MED27: variants seen among roughly 807,000 people sequenced by gnomAD.
MED27 encodes the protein mediator of RNA polymerase II transcription subunit 27.
Under a neutral mutation model 38.2 loss-of-function variants are expected in MED27, and 30 were observed. That is an observed-to-expected ratio of 0.79 (90% CI 0.59 to 1.07). The LOEUF is 1.07. Ranked by LOEUF, MED27 falls within the 50% of genes least tolerant of loss-of-function variation. The pLI is 0.00. For missense variants in MED27, 289 were observed against 397.5 expected, an observed-to-expected ratio of 0.73 and a Z score of 2.32; for synonymous variants, 122 against 153.5, an observed-to-expected ratio of 0.79 and a Z score of 1.52.
intron 4 of MED27, among the ~76,000 whole-genome samples, chr9:131,907,682 G>A (rs375434796): frequency 1.2e-4 from 18 of 147,828 alleles, no homozygotes; most frequent in Admixed American, 4.7e-4. Context: ...GCCGCCCATC[G>A]TCTGGGATGT....
At chr9:131,911,242 G>C (rs921479372) in intron 4 of MED27, among the ~76,000 whole-genome samples, 1 of 152,190 alleles carries the variant, frequency 6.6e-6, no homozygotes, top group Non-Finnish European at 1.5e-5. Context: ...GCAGGAGGAG[G>C]AGACTAAATG....
intron 4 of MED27, among the ~76,000 whole-genome samples, chr9:131,932,467 A>G (rs1830609212): frequency 2.6e-5 from 4 of 152,126 alleles, no homozygotes; most frequent in Admixed American, 1.3e-4. Flanking sequence ...TAAAAGGATC[A>G]TTAGTGGCTA....
At chr9:132,000,475 C>A (rs1832202311) in intron 3 of MED27, among the ~76,000 whole-genome samples, 1 of 152,146 alleles carries the variant, frequency 6.6e-6, no homozygotes, top group South Asian at 2.1e-4. Flanking sequence ...CACACACCTA[C>A]CATATGACCT....
At chr9:132,016,069 A>G (rs1832595875) in intron 2 of MED27, among the ~76,000 whole-genome samples, 1 of 152,240 alleles carries the variant, frequency 6.6e-6, no homozygotes, top group Non-Finnish European at 1.5e-5. Context: ...CAGCTGCATT[A>G]CAGCTCACGG....
intron 2 of MED27, among the ~76,000 whole-genome samples, chr9:132,037,552 G>C (rs753452343): frequency 6.6e-5 from 10 of 152,170 alleles, no homozygotes; most frequent in Non-Finnish European, 1.3e-4. Context: ...TCCTTGGAGC[G>C]GTTGGTAATT....
At chr9:132,042,952 A>G (rs1833251053) in intron 2 of MED27, among the ~76,000 whole-genome samples, 2 of 152,208 alleles carry the variant, frequency 1.3e-5, no homozygotes, top group South Asian at 4.1e-4. Context: ...GTCAATACAC[A>G]GATATCCCAT....
intron 3 of MED27, among the ~76,000 whole-genome samples, chr9:131,956,565 G>A (rs1306931719): frequency 2.0e-5 from 3 of 149,806 alleles, no homozygotes; most frequent in Non-Finnish European, 3.0e-5. Flanking sequence ...GCAGTGAGCC[G>A]AGATCACGCC....
intron 6 of MED27, among the ~76,000 whole-genome samples, chr9:131,874,088 G>A (rs930096260): frequency 1.3e-5 from 2 of 152,182 alleles, no homozygotes; most frequent in Admixed American, 6.5e-5. Flanking sequence ...GGTCTCAGCC[G>A]CATTTCCCTT....
At chr9:132,029,133 T>C (rs1372617683) in intron 2 of MED27, among the ~76,000 whole-genome samples, 1 of 152,174 alleles carries the variant, frequency 6.6e-6, no homozygotes, top group Non-Finnish European at 1.5e-5. Flanking sequence ...ATCAAAAATC[T>C]GGCCATTTCA....
intron 5 of MED27, among the ~76,000 whole-genome samples, chr9:131,884,876 G>A (rs1172707316): frequency 6.6e-6 from 1 of 152,122 alleles, no homozygotes; most frequent in Non-Finnish European, 1.5e-5. Flanking sequence ...CCAAAGTACT[G>A]GGATTACAGG....
At chr9:131,893,251 C>T (rs1447090429) in intron 5 of MED27, among the ~76,000 whole-genome samples, 1 of 152,082 alleles carries the variant, frequency 6.6e-6, no homozygotes, top group East Asian at 1.9e-4. Context: ...GTGTTCATTA[C>T]ACTCTGGTGC....
rs114246525 is a variant in MED27, at chr9:131,880,974, A to C, written c.723+3084T>G. ...TCCCTCATCAAGGGTATTGGAATGG[A>C]AATGGACCATTGTTAAATACCAAGT... On this transcript the variant is annotated intron_variant, in intron 6 of 7. Transcript: ENST00000292035. 3.8e-3 allele frequency among the ~76,000 whole-genome samples: 583 copies of C among 152,070 alleles called. 1 individual carries two copies. Among genetic ancestry groups the C allele is most frequent in the African/African-American group, 0.012 (512 of 41,492 alleles).
chr9:131,979,672 C>T (rs1398846449), intron 3 of MED27, among the ~76,000 whole-genome samples: 1 of 152,152 alleles, frequency 6.6e-6, no homozygotes, highest in Non-Finnish European at 1.5e-5. Context: ...TTAAACTCCC[C>T]CATTTTAGGA....
At position 131,987,091 on chromosome 9, in the gene MED27, C is replaced by T. The variant is rs565925047; in HGVS notation, c.479+27246G>A. ...TATAAAATTATTGGGTCAAACTTTCCCCCAAATTTTGCACTGCTCCACTGC... is the reference window on the plus strand; with the variant it reads ...TATAAAATTATTGGGTCAAACTTTCTCCCAAATTTTGCACTGCTCCACTGC... On this transcript the variant is annotated intron_variant, in intron 3 of 7. Transcript: ENST00000292035. 1.0e-4 allele frequency among the ~76,000 whole-genome samples: 15 copies of T among 144,952 alleles called. No individual in the cohort carries two copies. The East Asian group carries it at 2.7e-3, about 26-fold the overall frequency.
chr9:132,069,789 G>A (rs1833894511), intron 2 of MED27, among the ~76,000 whole-genome samples: 2 of 152,240 alleles, frequency 1.3e-5, no homozygotes, highest in South Asian at 4.1e-4. Context: ...TCCTACCGAT[G>A]AGGAAGGTGA....
rs890394713 is a variant in MED27, at chr9:132,042,394, C to T, written c.349-27927G>A. On this transcript the variant is annotated intron_variant, in intron 2 of 7. Coordinates refer to ENST00000292035, the MANE Select transcript of MED27 (RefSeq NM_004269.4). Reference sequence around the variant, plus strand: ...CCCATTTTACAGATGAGAAAACAGGCTTCACGAGGTAAAGTCACTTGCTGC... The same window carrying T: ...CCCATTTTACAGATGAGAAAACAGGTTTCACGAGGTAAAGTCACTTGCTGC... Among the ~76,000 whole-genome samples the T allele has an allele frequency of 2.0e-5, 3 of 152,152 alleles. No homozygotes were observed. The South Asian group carries it at 6.2e-4, about 32-fold the overall frequency.
At chr9:131,972,247 A>G (rs555445621) in intron 3 of MED27, among the ~76,000 whole-genome samples, 8 of 152,352 alleles carry the variant, frequency 5.3e-5, no homozygotes. Flanking sequence ...TTCATATTCC[A>G]ATTTACAGTT....
At chr9:132,067,764 C>T (rs1012776570) in intron 2 of MED27, among the ~76,000 whole-genome samples, 10 of 152,188 alleles carry the variant, frequency 6.6e-5, no homozygotes, top group East Asian at 3.9e-4. Flanking sequence ...CAGGCTGGAG[C>T]GCAGTGGTGT....
chr9:131,915,578 T>C (rs1830274446), intron 4 of MED27, among the ~76,000 whole-genome samples: 1 of 152,214 alleles, frequency 6.6e-6, no homozygotes, highest in Admixed American at 6.5e-5. Flanking sequence ...AATAATCACA[T>C]TGCTTAGGAT....
Sources: gnomAD v4.1 joint callset for allele counts (sites outside exome capture counted in the v4.1 genomes callset) on GRCh38, gnomAD v4.1.1 for gene constraint, MANE v1.5 for transcripts, NCBI Gene and HGNC (gene_info 2026-07-23, HGNC 2026-07-21) for gene names.